Variants in TYW1B observed in about 807,000 individuals in gnomAD.
The protein encoded by TYW1B is tRNA-yW synthesizing protein 1 homolog B.
In TYW1B, 73 loss-of-function variants were observed where a neutral mutation model predicts 86.9. The observed-to-expected ratio is 0.84, with a 90% CI of 0.70 to 1.02. The LOEUF (loss-of-function observed/expected upper bound fraction) is 1.02, where lower values mean the gene tolerates loss of function less well. Ranked by LOEUF, TYW1B falls within the 50% of genes least tolerant of loss-of-function variation. The probability of loss-of-function intolerance (pLI) is 0.00; values close to 1 mark genes in which losing one functional copy is unlikely to be tolerated. For synonymous variants in TYW1B, 248 were observed against 292.8 expected, an observed-to-expected ratio of 0.85 and a Z score of 1.56; for missense variants, 637 against 827.4, an observed-to-expected ratio of 0.77 and a Z score of 2.82.
intron 2 of TYW1B, among the ~76,000 whole-genome samples, chr7:72,818,922 C>T (rs1382596619): frequency 2.6e-5 from 4 of 152,122 alleles, no homozygotes; most frequent in South Asian, 2.1e-4. Context: ...TCCCGCCAAG[C>T]CCCACCTCCA....
In TYW1B at chr7:72,779,712, CAAAAAAAAAAA is replaced by C. The variant is rs58301724; in HGVS notation, c.847-2190_847-2180del. On this transcript the variant is annotated intron_variant, in intron 6 of 13. Coordinates refer to ENST00000620995, the MANE Select transcript of TYW1B (RefSeq NM_001145440.3). The stretch of plus-strand genomic sequence containing the variant: ...AGCCTGGGCGACAGAGACTCTGCCT[CAAAAAAAAAAA>C]AAAAAAAAAATTAACACTCACAGAA... 6.7e-4 allele frequency among the ~76,000 whole-genome samples: 43 copies of C among 64,278 alleles called. 1 individual carries two copies. The highest frequency in any genetic ancestry group is 3.3e-3 in the South Asian group (5 of 1,532). The allele number at this position is 64,278 out of a possible 152,430, so 42.2% of individuals were successfully genotyped here.
chr7:72,766,241 T>A (rs190170784), intron 7 of TYW1B, among the ~76,000 whole-genome samples: 124 of 152,356 alleles, frequency 8.1e-4, no homozygotes, highest in Non-Finnish European at 1.5e-3. Context: ...TTGGTTTTCT[T>A]TAAGCCTAGA....
At chr7:72,599,832 C>G (rs575842232) in intron 13 of TYW1B, among the ~76,000 whole-genome samples, 1 of 151,682 alleles carries the variant, frequency 6.6e-6, no homozygotes, top group Non-Finnish European at 1.5e-5. Context: ...AACAGATACA[C>G]GATATATATA....
At chr7:72,791,316 AC>A (rs765623055) in intron 6 of TYW1B, among the ~76,000 whole-genome samples, 2 of 151,698 alleles carry the variant, frequency 1.3e-5, no homozygotes, top group Admixed American at 1.3e-4. Flanking sequence ...TGGCGCTCAG[AC>A]CTTTAGACTC....
chr7:72,754,289 G>A (rs549301277), intron 7 of TYW1B, among the ~76,000 whole-genome samples: 27 of 151,854 alleles, frequency 1.8e-4, no homozygotes, highest in African/African-American at 2.7e-4. Context: ...ACAGGTGCCC[G>A]CTGCCACCAC....
chr7:72,692,968 G>T (rs181975818), intron 11 of TYW1B, among the ~76,000 whole-genome samples: 34 of 152,182 alleles, frequency 2.2e-4, no homozygotes, highest in African/African-American at 7.0e-4. Flanking sequence ...CAAAGTAAGC[G>T]CTGGGCACAG....
At chr7:72,698,278 C>T (rs538633847) in intron 10 of TYW1B, among the ~76,000 whole-genome samples, 4 of 152,258 alleles carry the variant, frequency 2.6e-5, no homozygotes, top group Middle Eastern at 6.8e-3. Flanking sequence ...CATGTAGTTG[C>T]TACTTATGCC....
intron 11 of TYW1B, among the ~76,000 whole-genome samples, chr7:72,646,964 TAC>T (rs1812945073): frequency 6.6e-6 from 1 of 152,242 alleles, no homozygotes; most frequent in African/African-American, 2.4e-5. Context: ...CTTTCAGTGC[TAC>T]ATAGACTGGA....
At chr7:72,745,661 G>C (rs1459107216) in intron 7 of TYW1B, among the ~76,000 whole-genome samples, 5 of 152,096 alleles carry the variant, frequency 3.3e-5, no homozygotes, top group African/African-American at 4.8e-5. Context: ...CCTAAGGTCA[G>C]TGGAATGGGT....
chr7:72,597,348 T>C (rs2949125), intron 13 of TYW1B, among the ~76,000 whole-genome samples: 150 of 152,018 alleles, frequency 9.9e-4, no homozygotes, highest in African/African-American at 1.4e-3. Flanking sequence ...GCCCCAAATG[T>C]CCATGTTAGC....
chr7:72,653,610 A>AAATAAT (rs61287709), intron 11 of TYW1B, among the ~76,000 whole-genome samples: 37 of 150,360 alleles, frequency 2.5e-4, no homozygotes, highest in African/African-American at 5.4e-4. Context: ...CCGTCTCAAA[A>AAATAAT]AATAATAATA....
intron 10 of TYW1B, among the ~76,000 whole-genome samples, chr7:72,705,938 G>A (rs1233569822): frequency 2.6e-5 from 4 of 152,132 alleles, no homozygotes; most frequent in African/African-American, 9.7e-5. Context: ...ATCTTCCATC[G>A]CAGCAATAAC....
intron 11 of TYW1B, among the ~76,000 whole-genome samples, chr7:72,660,398 C>A (rs528823423): frequency 4.0e-5 from 6 of 151,710 alleles, no homozygotes; most frequent in South Asian, 4.2e-4. Context: ...AACAAACAAA[C>A]AAAAAAAGGA....
chr7:72,612,266 A>T (rs1811951678), intron 13 of TYW1B, among the ~76,000 whole-genome samples: 1 of 152,162 alleles, frequency 6.6e-6, no homozygotes, highest in Non-Finnish European at 1.5e-5. Context: ...TCAGTACAGT[A>T]ATGAATAATG....
chr7:72,631,915 G>A (rs748075162), intron 11 of TYW1B, among the ~76,000 whole-genome samples: 7 of 152,082 alleles, frequency 4.6e-5, no homozygotes, highest in Non-Finnish European at 8.8e-5. Context: ...TGGCAGCAGC[G>A]TATCATACCA....
Position 72,744,490 on chromosome 7 carries a change from C to G in TYW1B, c.1076G>C (p.Cys359Ser). 6.2e-7 allele frequency: 1 copy of G among 1,613,590 alleles called. No homozygotes were observed. The highest frequency in any genetic ancestry group is 8.5e-7 in the Non-Finnish European group (1 of 1,179,554). ...SLACANKCVF[C>S]WWHHNNPVGT... ...ACCTTTCATTTTTACTTACCACCAA[C>G]AGAAGACACATTTATTAGCACACGC... Residue 359 changes from cysteine (C) to serine (S), a missense_variant, in exon 8 of 14, where the codon TGT (cysteine) becomes TCT (serine). By Grantham distance (112) the Cys-to-Ser change is moderately radical. Transcript: ENST00000620995.
At chr7:72,826,166 G>A (rs1374528786) in intron 2 of TYW1B, among the ~76,000 whole-genome samples, 1 of 152,164 alleles carries the variant, frequency 6.6e-6, no homozygotes, top group Non-Finnish European at 1.5e-5. Flanking sequence ...CTCTCGAAGG[G>A]AGACATAACC....
intron 8 of TYW1B, among the ~76,000 whole-genome samples, chr7:72,730,615 A>G (rs568947081): frequency 2.6e-5 from 4 of 151,084 alleles, no homozygotes; most frequent in African/African-American, 9.7e-5. Context: ...GAGGAGAAGA[A>G]GAGGAGAAAA....
At chr7:72,815,619 G>A (rs1788708788) in intron 2 of TYW1B, 138 bp from the exon 3 acceptor site, 6 of 691,542 alleles carry the variant, frequency 8.7e-6, no homozygotes, top group African/African-American at 3.7e-5. Flanking sequence ...AATTCTATCC[G>A]CACTCTTACC....
Sources: allele counts gnomAD v4.1 joint callset (sites outside exome capture counted in the v4.1 genomes callset), GRCh38; gene constraint gnomAD v4.1.1; transcripts MANE v1.5; gene names NCBI Gene and HGNC (gene_info 2026-07-23, HGNC 2026-07-21).